LARP1: variants seen among roughly 807,000 people sequenced by gnomAD.
LARP1 encodes the protein la-related protein 1.
Under a neutral mutation model 122.7 loss-of-function variants are expected in LARP1, and 36 were observed. The observed-to-expected ratio is 0.29, with a 90% confidence interval of 0.22 to 0.39. LARP1 has a LOEUF of 0.39. LARP1 is among the 10% of genes least tolerant of loss of function. The pLI is 1.00. For synonymous variants in LARP1, 539 were observed against 528.7 expected, an observed-to-expected ratio of 1.02 and a Z score of -0.27; for missense variants, 1,040 against 1,403.6, an observed-to-expected ratio of 0.74 and a Z score of 4.14.
At chr5:154,797,189 A>G (rs1025356215) in intron 8 of LARP1, among the ~76,000 whole-genome samples, 5 of 146,532 alleles carry the variant, frequency 3.4e-5, no homozygotes, top group African/African-American at 1.3e-4. Flanking sequence ...GAGATAAAAT[A>G]CATCATGGAG....
At chr5:154,699,338 G>GTA (rs1052766728) in intron 1 of LARP1, among the ~76,000 whole-genome samples, 2 of 152,114 alleles carry the variant, frequency 1.3e-5, no homozygotes, top group African/African-American at 4.8e-5. Flanking sequence ...TTCAAATTTT[G>GTA]TAAGACTAGG....
rs759453932 is a variant in LARP1, at chr5:154,814,137, G to T, written c.*41G>T. On this transcript the variant is annotated 3_prime_UTR_variant, in exon 19 of 19. Coordinates refer to ENST00000518297, the MANE Select transcript of LARP1 (RefSeq NM_033551.3). ...TGGGGCTTGAGGGGGGAAAGGGGTA[G>T]GGTGGGTAAGAGTCCATGGGGGTGC... is the stretch of plus-strand genomic sequence containing the variant. 1 of 1,597,620 alleles carries T rather than the reference G, an allele frequency of 6.3e-7. No individual in the cohort carries two copies. Among genetic ancestry groups the T allele is most frequent in the East Asian group, 2.3e-5 (1 of 44,442 alleles).
intron 1 of LARP1, among the ~76,000 whole-genome samples, chr5:154,770,331 C>CA (rs1296688866): frequency 6.6e-6 from 1 of 151,988 alleles, no homozygotes; most frequent in East Asian, 1.9e-4. Flanking sequence ...TCACTTCTCA[C>CA]ACTGTCTAGA....
rs749817061 is a variant in LARP1, at chr5:154,794,096, A to G, written c.1070-4A>G. 1.9e-6 allele frequency: 3 copies of G among 1,613,996 alleles called. No homozygotes were observed. The highest frequency in any genetic ancestry group is 1.3e-5 in the African/African-American group (1 of 74,914). ...CTCCCTCATGGCACCCGTTTCCCCC[A>G]TAGCCCATTTTGACTACCAGTTTGG... On this transcript the variant is annotated splice_polypyrimidine_tract_variant and splice_region_variant and intron_variant, in intron 6 of 18. Transcript: ENST00000518297.
At chr5:154,702,980 G>A (rs970672268) in intron 1 of LARP1, among the ~76,000 whole-genome samples, 8 of 151,972 alleles carry the variant, frequency 5.3e-5, no homozygotes, top group Admixed American at 4.6e-4. Flanking sequence ...AATTAGCCGG[G>A]CGTGGTGGCG....
At chr5:154,793,129 G>A (rs1036425287) in intron 4 of LARP1, among the ~76,000 whole-genome samples, 2 of 152,072 alleles carry the variant, frequency 1.3e-5, no homozygotes, top group African/African-American at 4.8e-5. Context: ...AGCTTGCTGT[G>A]GTACACCGGT....
At chr5:154,728,109 A>G (rs1287167637) in intron 1 of LARP1, among the ~76,000 whole-genome samples, 1 of 152,188 alleles carries the variant, frequency 6.6e-6, no homozygotes, top group Non-Finnish European at 1.5e-5. Flanking sequence ...AGCATAGGCT[A>G]ATGGCTCTCA....
Position 154,799,620 on chromosome 5 carries a change from C to G in LARP1, c.1407C>G (p.Ile469Met), listed in dbSNP as rs143899837. The change falls in exon 9 of 19, where the codon ATC (isoleucine) becomes ATG (methionine). Residue 469 changes from isoleucine to methionine, a missense_variant. Around this residue, in one of 8 missense-constraint regions of LARP1, gnomAD observed 362 missense variants for 533.1 expected, o/e 0.68. Transcript: ENST00000518297. ...TAAAGGACAGCAAGGTGGTGGAGATCGTTGATGAGAAAGTTCGTAGGAGGG... is the reference window on the plus strand; with the variant it reads ...TAAAGGACAGCAAGGTGGTGGAGATGGTTGATGAGAAAGTTCGTAGGAGGG... ...AALKDSKVVE[I>M]VDEKVRRREE... 6.2e-7 allele frequency: 1 copy of G among 1,614,148 alleles called. No homozygotes were observed. Among genetic ancestry groups the G allele is most frequent in the South Asian group, 1.1e-5 (1 of 91,078 alleles).
At chr5:154,794,535 T>A (rs1330526702) in intron 7 of LARP1, among the ~76,000 whole-genome samples, 1 of 152,234 alleles carries the variant, frequency 6.6e-6, no homozygotes, top group Non-Finnish European at 1.5e-5. Context: ...TGTTCTTCCA[T>A]TTGTAATGAC....
chr5:154,757,403 G>GT (rs1754054611), intron 1 of LARP1: 1 of 148,840 alleles, frequency 6.7e-6, no homozygotes, highest in Admixed American at 6.8e-5. Context: ...GTCGGCTTGG[G>GT]TGGGGGGGGC....
At chr5:154,742,356 G>A (rs1752932691) in intron 1 of LARP1, among the ~76,000 whole-genome samples, 1 of 152,178 alleles carries the variant, frequency 6.6e-6, no homozygotes, top group Non-Finnish European at 1.5e-5. Context: ...GAGGCCAGGG[G>A]TTCGAGACCA....
At chr5:154,754,790 G>C (rs1244244857), upstream of LARP1, among the ~76,000 whole-genome samples, 1 of 152,166 alleles carries the variant, frequency 6.6e-6, no homozygotes, top group Non-Finnish European at 1.5e-5. Flanking sequence ...AAGGTCACCC[G>C]GGCGGGGACC....
chr5:154,752,776 T>C (rs1753569809), upstream of LARP1, among the ~76,000 whole-genome samples: 1 of 151,450 alleles, frequency 6.6e-6, no homozygotes. Context: ...CCATCACTAC[T>C]AAAAATACAA....
rs1024354660 is a variant in LARP1, at chr5:154,815,108, T to G, written c.*1012T>G. 6.6e-6 allele frequency: 1 copy of G among 152,622 alleles called. No individual in the cohort carries two copies. The highest frequency in any genetic ancestry group is 2.4e-5 in the African/African-American group (1 of 41,438). 9.5% of individuals were successfully genotyped at this position (152,622 alleles called of 1,614,324 possible). ...CCACCTTCTCTGGATGTGCCTGGGC[T>G]TGGACTGGCTAGAATCTTTCTCTGG... On this transcript the variant is annotated 3_prime_UTR_variant, in exon 19 of 19. Transcript: ENST00000518297.
chr5:154,806,005 C>T lies in LARP1; in HGVS notation c.2671C>T (p.His891Tyr), dbSNP rs1278721662. The change falls in exon 15 of 19, where the codon CAT (histidine) becomes TAT (tyrosine). Residue 891 changes from histidine (H) to tyrosine (Y), a missense_variant. Around this residue, in one of 8 missense-constraint regions of LARP1, gnomAD observed 59 missense variants for 137.2 expected, o/e 0.43. Transcript: ENST00000518297. ...KENGFTQHVYHKYRRRCLNER... is the reference protein window; with the variant it reads ...KENGFTQHVYYKYRRRCLNER... Reference sequence around the variant, plus strand: ...AAATGGCTTCACACAACACGTCTACCATAAGTATCGTAGGCGCTGCCTTAA... The same window carrying T: ...AAATGGCTTCACACAACACGTCTACTATAAGTATCGTAGGCGCTGCCTTAA... 6.2e-7 allele frequency: 1 copy of T among 1,613,980 alleles called. No individual in the cohort carries two copies. Among genetic ancestry groups the T allele is most frequent in the Non-Finnish European group, 8.5e-7 (1 of 1,180,028 alleles).
intron 10 of LARP1, 66 bp downstream of exon 10, chr5:154,800,108 C>T (rs1758224335): frequency 7.0e-7 from 1 of 1,427,682 alleles, no homozygotes; most frequent in Admixed American, 1.9e-5. Flanking sequence ...AAGGGGATAA[C>T]ACATGGGCAC....
At chr5:154,805,778 A>T (rs1041378727) in intron 14 of LARP1, 103 bp from the exon 15 acceptor site, 130 of 1,246,460 alleles carry the variant, frequency 1.0e-4, no homozygotes, top group Admixed American at 2.0e-4. Context: ...ATACCCTGTG[A>T]GAGGATGGAT....
intron 1 of LARP1, among the ~76,000 whole-genome samples, chr5:154,775,169 C>G (rs962937626): frequency 2.6e-5 from 4 of 152,022 alleles, no homozygotes; most frequent in Middle Eastern, 3.2e-3. Context: ...CTGGGTGTCC[C>G]AGCTAATTTA....
At chr5:154,805,235 A>G (rs1344966064) in intron 14 of LARP1, 3 of 254,736 alleles carry the variant, frequency 1.2e-5, no homozygotes, top group Non-Finnish European at 2.3e-5. Flanking sequence ...AGTTAAAATC[A>G]TAAGAGAAAA....
Sources: allele counts gnomAD v4.1 joint callset (sites outside exome capture counted in the v4.1 genomes callset), GRCh38; gene constraint gnomAD v4.1.1; regional missense constraint gnomAD v4.1.1; transcripts MANE v1.5; gene names NCBI Gene and HGNC (gene_info 2026-07-23, HGNC 2026-07-21).